SEMA5A: variants seen among roughly 807,000 people sequenced by gnomAD.
SEMA5A encodes semaphorin-5A.
Under a neutral mutation model 135.5 loss-of-function variants are expected in SEMA5A, and 55 were observed. That is an observed-to-expected ratio of 0.41 (90% confidence interval 0.33 to 0.51). SEMA5A has a LOEUF of 0.51. Ranked by LOEUF, SEMA5A falls within the 20% of genes least tolerant of loss-of-function variation. SEMA5A has a pLI of 0.37. For synonymous variants in SEMA5A, 580 were observed against 546.5 expected (o/e 1.06, Z -0.85); for missense variants, 1,290 against 1,419.9 (o/e 0.91, Z 1.47).
intron 2 of SEMA5A, among the ~76,000 whole-genome samples, chr5:9,426,298 G>A (rs1464972505): frequency 1.3e-5 from 2 of 151,758 alleles, no homozygotes; most frequent in Non-Finnish European, 2.9e-5. Flanking sequence ...GGTGGCAGGC[G>A]CCTGTAGTCC....
chr5:9,207,097 C>T (rs1746062531), intron 8 of SEMA5A, among the ~76,000 whole-genome samples: 2 of 19,106 alleles, frequency 1.0e-4, no homozygotes, highest in Admixed American at 7.3e-4. Flanking sequence ...AATGAATGAT[C>T]AAGTGTATAT....
chr5:9,535,756 C>A (rs1737727300), intron 1 of SEMA5A, among the ~76,000 whole-genome samples: 1 of 151,984 alleles, frequency 6.6e-6, no homozygotes, highest in South Asian at 2.1e-4. Flanking sequence ...CCTGGAAACT[C>A]CAGATTTTTC....
At chr5:9,339,876 TA>T (rs1417259020) in intron 3 of SEMA5A, among the ~76,000 whole-genome samples, 2 of 152,214 alleles carry the variant, frequency 1.3e-5, no homozygotes, top group African/African-American at 4.8e-5. Context: ...AAAAGTAGTA[TA>T]TTTTTAAAAA....
chr5:9,321,785 T>C (rs919381452), intron 4 of SEMA5A, among the ~76,000 whole-genome samples: 1 of 152,220 alleles, frequency 6.6e-6, no homozygotes, highest in Non-Finnish European at 1.5e-5. Context: ...ACTCATTCAT[T>C]TAGTAAATGA....
At chr5:9,193,007 C>A (rs775281453) in intron 10 of SEMA5A, among the ~76,000 whole-genome samples, 4 of 152,010 alleles carry the variant, frequency 2.6e-5, no homozygotes, top group Non-Finnish European at 5.9e-5. Flanking sequence ...TCACTCGCTA[C>A]GCCTTGTCAT....
At chr5:9,418,649 C>G (rs190083045) in intron 2 of SEMA5A, among the ~76,000 whole-genome samples, 5 of 152,116 alleles carry the variant, frequency 3.3e-5, no homozygotes, top group African/African-American at 1.2e-4. Context: ...CAAATACTGA[C>G]GGCGCACTAA....
chr5:9,455,499 G>A (rs748261435), intron 1 of SEMA5A, among the ~76,000 whole-genome samples: 4 of 151,802 alleles, frequency 2.6e-5, no homozygotes, highest in African/African-American at 9.7e-5. Context: ...TTTGTGATCC[G>A]CCCGCCTCGG....
intron 2 of SEMA5A, among the ~76,000 whole-genome samples, chr5:9,413,644 C>T (rs868648648): frequency 6.6e-6 from 1 of 152,180 alleles, no homozygotes; most frequent in Non-Finnish European, 1.5e-5. Context: ...AGAATGAATG[C>T]TTGAAATCAT....
chr5:9,513,582 A>G (rs1362488814), intron 1 of SEMA5A, among the ~76,000 whole-genome samples: 1 of 152,166 alleles, frequency 6.6e-6, no homozygotes, highest in Non-Finnish European at 1.5e-5. Context: ...CAGTGATTGT[A>G]TGATATTGTG....
At chr5:9,425,289 G>C (rs764076241) in intron 2 of SEMA5A, among the ~76,000 whole-genome samples, 1 of 152,180 alleles carries the variant, frequency 6.6e-6, no homozygotes, top group Non-Finnish European at 1.5e-5. Context: ...CACCAAAAAT[G>C]TATGCTCAGA....
chr5:9,239,209 C>CAG (rs1167168641), intron 5 of SEMA5A, among the ~76,000 whole-genome samples: 4 of 152,146 alleles, frequency 2.6e-5, no homozygotes, highest in Non-Finnish European at 4.4e-5. Flanking sequence ...CAAAACAATG[C>CAG]TATAACTGTT....
chr5:9,510,142 T>C (rs1227100308), intron 1 of SEMA5A, among the ~76,000 whole-genome samples: 25 of 152,180 alleles, frequency 1.6e-4, no homozygotes, highest in Non-Finnish European at 3.5e-4. Context: ...GCCATGCCAT[T>C]TTAACTCCCG....
intron 5 of SEMA5A, among the ~76,000 whole-genome samples, chr5:9,282,465 C>T (rs1287142968): frequency 6.6e-6 from 1 of 151,964 alleles, no homozygotes; most frequent in Non-Finnish European, 1.5e-5. Flanking sequence ...AATAACTTGC[C>T]CATTCCTAAA....
chr5:9,322,158 C>A (rs1223776027), intron 4 of SEMA5A, among the ~76,000 whole-genome samples: 1 of 152,180 alleles, frequency 6.6e-6, no homozygotes, highest in African/African-American at 2.4e-5. Flanking sequence ...TCAGTCCACA[C>A]CTCCATAAGC....
chr5:9,502,884 A>AG (rs1735670876), intron 1 of SEMA5A, among the ~76,000 whole-genome samples: 1 of 152,236 alleles, frequency 6.6e-6, no homozygotes, highest in African/African-American at 2.4e-5. Flanking sequence ...GAAAAGTGTC[A>AG]GGGGTCAACA....
Position 9,154,093 on chromosome 5 carries a change from A to ATATATATATATGTGTGTGTG in SEMA5A, c.1481+394_1481+395insCACACACACATATATATATA, listed in dbSNP as rs372321939. Among the ~76,000 whole-genome samples, 63 of 73,410 alleles carry ATATATATATATGTGTGTGTG rather than the reference A, an allele frequency of 8.6e-4. 1 individual carries two copies. Among genetic ancestry groups the ATATATATATATGTGTGTGTG allele is most frequent in the African/African-American group, 1.4e-3 (25 of 17,800 alleles). The allele number at this position is 73,410 out of a possible 152,430, so 48.2% of individuals were successfully genotyped here. ...TATATATATATATATATATATATATATGTGTGTGTGTGTATGTGTGTGTAT... is the reference window on the plus strand; with the variant it reads ...TATATATATATATATATATATATATATATATATATATGTGTGTGTGTGTGTGTGTGTGTATGTGTGTGTAT... On this transcript the variant is annotated intron_variant, in intron 12 of 22. Coordinates refer to ENST00000382496, the MANE Select transcript of SEMA5A (RefSeq NM_003966.3).
At chr5:9,512,559 A>T (rs887713549) in intron 1 of SEMA5A, among the ~76,000 whole-genome samples, 2 of 152,028 alleles carry the variant, frequency 1.3e-5, no homozygotes, top group African/African-American at 4.8e-5. Flanking sequence ...TCAGATGTTC[A>T]TAGTAACTGA....
intron 1 of SEMA5A, among the ~76,000 whole-genome samples, chr5:9,499,646 G>A (rs1379267421): frequency 6.6e-6 from 1 of 152,184 alleles, no homozygotes. Flanking sequence ...GTCCAGAAAT[G>A]GACAGTTCAG....
intron 3 of SEMA5A, among the ~76,000 whole-genome samples, chr5:9,349,405 A>G (rs1165924007): frequency 2.6e-5 from 4 of 152,232 alleles, no homozygotes; most frequent in African/African-American, 7.2e-5. Context: ...TATATAAGAC[A>G]GACCTCTGCC....
Sources: allele counts gnomAD v4.1 joint callset (sites outside exome capture counted in the v4.1 genomes callset), GRCh38; gene constraint gnomAD v4.1.1; transcripts MANE v1.5; gene names NCBI Gene and HGNC (gene_info 2026-07-23, HGNC 2026-07-21).